Variants in TUSC3 observed in about 807,000 individuals in gnomAD.
The protein encoded by TUSC3 is tumor suppressor candidate 3, also known as dolichyl-diphosphooligosaccharide--protein glycosyltransferase subunit TUSC3.
Under a neutral mutation model 44.8 loss-of-function variants are expected in TUSC3, and 45 were observed. That is an observed-to-expected ratio of 1.00 (90% CI 0.79 to 1.29). TUSC3 has a LOEUF of 1.29. Among genes scored for constraint, TUSC3 ranks in the 50% most tolerant of loss-of-function variants. The probability of loss-of-function intolerance (pLI) is 0.00; values close to 1 mark genes in which losing one functional copy is unlikely to be tolerated. For missense variants in TUSC3, 519 were observed against 437.9 expected (o/e 1.19, Z -1.65); for synonymous variants, 212 against 152.9 (o/e 1.39, Z -2.85).
the TUSC3 span, among the ~76,000 whole-genome samples, chr8:15,787,009 C>T: frequency 6.8e-6 from 1 of 147,984 alleles, no homozygotes; most frequent in Non-Finnish European, 1.5e-5. Flanking sequence ...GTAGGGAAGT[C>T]ATGAACTTAA....
At chr8:15,743,354 T>G (rs981734747) in intron 7 of TUSC3, 184 bp from the exon 8 acceptor site, 6 of 624,208 alleles carry the variant, frequency 9.6e-6, no homozygotes, top group Non-Finnish European at 1.4e-5. Flanking sequence ...GGTTATAAAT[T>G]TTTAAAGTTA....
chr8:15,528,176 C>G (rs2129130384), intron 2 of TUSC3, among the ~76,000 whole-genome samples: 1 of 152,026 alleles, frequency 6.6e-6, no homozygotes, highest in East Asian at 1.9e-4. Context: ...AAATACTCAG[C>G]TCAGCATTTG....
intron 10 of TUSC3, among the ~76,000 whole-genome samples, chr8:15,759,665 A>C (rs962219604): frequency 1.3e-5 from 2 of 152,040 alleles, no homozygotes; most frequent in African/African-American, 4.8e-5. Context: ...CCCCTCTTGG[A>C]AACTTCATAC....
the TUSC3 span, among the ~76,000 whole-genome samples, chr8:15,810,747 C>G: frequency 6.6e-6 from 1 of 152,138 alleles, no homozygotes. Flanking sequence ...TGAAGTCGCC[C>G]TGCAAAGTTG....
At chr8:15,480,152 C>G (rs1351490868) in intron 1 of TUSC3, among the ~76,000 whole-genome samples, 1 of 152,190 alleles carries the variant, frequency 6.6e-6, no homozygotes, top group African/African-American at 2.4e-5. Flanking sequence ...TCAAGGAGAA[C>G]TACACGCCAC....
chr8:15,505,169 A>G (rs566604694), intron 2 of TUSC3, among the ~76,000 whole-genome samples: 2 of 152,282 alleles, frequency 1.3e-5, no homozygotes, highest in South Asian at 2.1e-4. Flanking sequence ...GCTTTACTTC[A>G]TGACTGTTTT....
intron 1 of TUSC3, among the ~76,000 whole-genome samples, chr8:15,423,668 G>T (rs1299665992): frequency 1.3e-5 from 2 of 152,112 alleles, no homozygotes; most frequent in Non-Finnish European, 2.9e-5. Flanking sequence ...TCCTTGCCCT[G>T]GTTCTCTCTT....
intron 2 of TUSC3, among the ~76,000 whole-genome samples, chr8:15,520,004 C>T (rs1019990602): frequency 5.3e-5 from 8 of 152,196 alleles, no homozygotes; most frequent in Admixed American, 4.6e-4. Flanking sequence ...CTCTTAAAAA[C>T]TGCCACTTCA....
intron 1 of TUSC3, among the ~76,000 whole-genome samples, chr8:15,474,190 G>A (rs1021012667): frequency 1.3e-5 from 2 of 152,150 alleles, no homozygotes; most frequent in African/African-American, 2.4e-5. Context: ...CAGGCAGTCA[G>A]ACCTTATGGT....
At chr8:15,803,107 A>G in the TUSC3 span, among the ~76,000 whole-genome samples, 3,809 of 152,294 alleles carry the variant, frequency 0.025, 159 homozygotes, top group African/African-American at 0.086. Flanking sequence ...TCATGAGGTT[A>G]GTTACCTTCA....
chr8:15,675,426 G>A (rs1808141749), intron 6 of TUSC3, among the ~76,000 whole-genome samples: 1 of 151,550 alleles, frequency 6.6e-6, no homozygotes, highest in Non-Finnish European at 1.5e-5. Flanking sequence ...TTTTTTGGGA[G>A]GGTTTCAGAC....
intron 6 of TUSC3, among the ~76,000 whole-genome samples, chr8:15,700,577 A>G (rs1400467340): frequency 6.6e-6 from 1 of 152,118 alleles, no homozygotes; most frequent in African/African-American, 2.4e-5. Flanking sequence ...GGGAACAGAG[A>G]GTAATTTGAT....
chr8:15,702,734 T>C (rs1475923836), intron 6 of TUSC3, among the ~76,000 whole-genome samples: 1 of 152,190 alleles, frequency 6.6e-6, no homozygotes, highest in African/African-American at 2.4e-5. Context: ...TTACCTTTTT[T>C]TCTGTGTACC....
At chr8:15,463,874 T>A (rs940279832) in intron 1 of TUSC3, among the ~76,000 whole-genome samples, 3 of 152,190 alleles carry the variant, frequency 2.0e-5, no homozygotes, top group African/African-American at 7.2e-5. Context: ...AAACCATACA[T>A]ATAATGTTCT....
chr8:15,762,742 G>T (rs1311968960), intron 10 of TUSC3, among the ~76,000 whole-genome samples: 1 of 151,982 alleles, frequency 6.6e-6, no homozygotes, highest in Non-Finnish European at 1.5e-5. Context: ...AGCTGATGAT[G>T]GCTTGTGTGT....
chr8:15,587,129 A>AT (rs1341227630), intron 1 of TUSC3, among the ~76,000 whole-genome samples: 1 of 152,150 alleles, frequency 6.6e-6, no homozygotes, highest in African/African-American at 2.4e-5. Flanking sequence ...TTTAATAGTA[A>AT]TTTCATAATT....
At chr8:15,505,277 C>G (rs1801037164) in intron 2 of TUSC3, among the ~76,000 whole-genome samples, 1 of 152,176 alleles carries the variant, frequency 6.6e-6, no homozygotes, top group African/African-American at 2.4e-5. Flanking sequence ...ATAAGTTAAA[C>G]TGCACTGTCA....
chr8:15,630,455 A>G (rs562567747), intron 2 of TUSC3, among the ~76,000 whole-genome samples: 1 of 143,632 alleles, frequency 7.0e-6, no homozygotes, highest in Admixed American at 6.8e-5. Context: ...TATATACAGT[A>G]TATATATTAT....
At chr8:15,831,944 C>T in the TUSC3 span, among the ~76,000 whole-genome samples, 6 of 152,116 alleles carry the variant, frequency 3.9e-5, no homozygotes, top group Non-Finnish European at 8.8e-5. Context: ...ATGGAGAGAA[C>T]TCCAGTAAGA....
Sources: allele counts gnomAD v4.1 joint callset (sites outside exome capture counted in the v4.1 genomes callset), GRCh38; gene constraint gnomAD v4.1.1; transcripts MANE v1.5; gene names NCBI Gene and HGNC (gene_info 2026-07-23, HGNC 2026-07-21).